The following PDE3A variants were observed in gnomAD, a reference collection of about 807,000 sequenced individuals.
PDE3A encodes phosphodiesterase 3A.
Under a neutral mutation model 98.3 loss-of-function variants are expected in PDE3A, and 43 were observed. The ratio of observed to expected loss-of-function variants is 0.44; its 90% CI spans 0.34 to 0.56. PDE3A has a LOEUF of 0.56. Among genes scored for constraint, PDE3A ranks in the 20% least tolerant of loss-of-function variants. The pLI is 0.01. For missense variants in PDE3A, 1,427 were observed against 1,440.7 expected (o/e 0.99, Z 0.15); for synonymous variants, 663 against 567.9 (o/e 1.17, Z -2.38).
chr12:20,440,925 A>AG (rs11404699), intron 1 of PDE3A, among the ~76,000 whole-genome samples: 152,244 of 152,246 alleles, frequency 1, 76,121 homozygotes, highest in Middle Eastern at 1. Context: ...GAGTAAAAGG[A>AG]GGAGAAAACT....
intron 1 of PDE3A, among the ~76,000 whole-genome samples, chr12:20,489,455 G>A (rs901798027): frequency 6.6e-6 from 1 of 152,058 alleles, no homozygotes; most frequent in African/African-American, 2.4e-5. Flanking sequence ...CATTGTTTTG[G>A]GTCTCAGTAA....
intron 14 of PDE3A, among the ~76,000 whole-genome samples, chr12:20,651,227 G>A (rs1258894283): frequency 1.3e-5 from 2 of 152,064 alleles, no homozygotes; most frequent in Non-Finnish European, 2.9e-5. Context: ...TACATAAGCT[G>A]GGGGTGATCC....
intron 4 of PDE3A, among the ~76,000 whole-genome samples, 192 bp from the exon 5 acceptor site, chr12:20,621,104 G>T (rs1004166670): frequency 6.6e-6 from 1 of 152,008 alleles, no homozygotes; most frequent in African/African-American, 2.4e-5. Context: ...CTATATCCCT[G>T]CAACAGAGAT....
At chr12:20,384,223 C>A (rs1173931688) in intron 1 of PDE3A, among the ~76,000 whole-genome samples, 1 of 148,874 alleles carries the variant, frequency 6.7e-6, no homozygotes, top group Non-Finnish European at 1.5e-5. Flanking sequence ...CTTCTGCCTA[C>A]ACCTTCCGGA....
At chr12:20,491,909 C>G (rs975433216) in intron 1 of PDE3A, among the ~76,000 whole-genome samples, 2 of 152,114 alleles carry the variant, frequency 1.3e-5, no homozygotes, top group Non-Finnish European at 2.9e-5. Flanking sequence ...TGTTGTAGAA[C>G]TATAAAATAT....
At chr12:20,471,167 A>G (rs1591965958) in intron 1 of PDE3A, among the ~76,000 whole-genome samples, 1 of 152,160 alleles carries the variant, frequency 6.6e-6, no homozygotes, top group Admixed American at 6.5e-5. Context: ...GATTGATTCA[A>G]CAGTTCTGGA....
In PDE3A at chr12:20,683,717, C is replaced by T. The variant is rs1464323552; in HGVS notation, c.*3446C>T. The T allele has an allele frequency of 6.6e-6, 1 of 152,074 alleles. No homozygotes were observed. Among genetic ancestry groups the T allele is most frequent in the African/African-American group, 2.4e-5 (1 of 41,412 alleles). 9.4% of individuals were successfully genotyped at this position (152,074 alleles called of 1,614,324 possible). On this transcript the variant is annotated 3_prime_UTR_variant, in exon 16 of 16. Coordinates refer to ENST00000359062, the MANE Select transcript of PDE3A (RefSeq NM_000921.5). ...ACAGTAGCTCTGTACAGGGATATAT[C>T]TATATTAGTCTTCATCTGATGAATG...
At chr12:20,587,975 T>G (rs556094589) in intron 2 of PDE3A, among the ~76,000 whole-genome samples, 6 of 152,352 alleles carry the variant, frequency 3.9e-5, no homozygotes, top group Admixed American at 2.6e-4. Flanking sequence ...GCAGCTCAGA[T>G]GCTAAAGCTG....
At chr12:20,420,150 C>T (rs1944487778) in intron 1 of PDE3A, among the ~76,000 whole-genome samples, 1 of 151,980 alleles carries the variant, frequency 6.6e-6, no homozygotes, top group Non-Finnish European at 1.5e-5. Flanking sequence ...GATCTTGGTG[C>T]AAGTATAGAA....
intron 2 of PDE3A, among the ~76,000 whole-genome samples, chr12:20,585,498 TAG>T (rs1943170838): frequency 6.6e-6 from 1 of 152,230 alleles, no homozygotes; most frequent in South Asian, 2.1e-4. Flanking sequence ...CATGTAATGC[TAG>T]AGTGTCAACA....
chr12:20,495,777 T>C (rs1392102409), intron 1 of PDE3A, among the ~76,000 whole-genome samples: 6 of 152,234 alleles, frequency 3.9e-5, no homozygotes, highest in Non-Finnish European at 8.8e-5. Flanking sequence ...TTTCTGTATA[T>C]GTTGCCAGAT....
chr12:20,420,420 G>A (rs909754638), intron 1 of PDE3A, among the ~76,000 whole-genome samples: 2 of 152,126 alleles, frequency 1.3e-5, no homozygotes, highest in African/African-American at 2.4e-5. Flanking sequence ...GAGTTCATGC[G>A]GAGGTTGACT....
At chr12:20,668,820 T>C (rs1367755080) in intron 15 of PDE3A, among the ~76,000 whole-genome samples, 2 of 151,630 alleles carry the variant, frequency 1.3e-5, no homozygotes, top group Non-Finnish European at 2.9e-5. Flanking sequence ...ACGCAGTTCC[T>C]CACCAGCAAC....
intron 1 of PDE3A, among the ~76,000 whole-genome samples, chr12:20,525,024 T>C (rs7955819): frequency 0.29 from 44,173 of 151,966 alleles, 6,946 homozygotes; most frequent in East Asian, 0.58. Context: ...CTCAGCTACT[T>C]GGGAGGCTGA....
intron 2 of PDE3A, among the ~76,000 whole-genome samples, chr12:20,559,765 G>T (rs1208419174): frequency 6.6e-6 from 1 of 152,142 alleles, no homozygotes; most frequent in African/African-American, 2.4e-5. Flanking sequence ...CCTCTGAGAA[G>T]TGATGATGTC....
rs201249804 is a variant in PDE3A, at chr12:20,654,098, G to A, written c.3077G>A (p.Trp1026Ter). 1 of 1,614,128 alleles carries A rather than the reference G, an allele frequency of 6.2e-7. No homozygotes were observed. Among genetic ancestry groups the A allele is most frequent in the Non-Finnish European group, 8.5e-7 (1 of 1,180,010 alleles). The change falls in exon 15 of 16, where the codon TGG becomes TAG. Residue 1026 changes from tryptophan (W) to a stop codon, truncating the protein, a stop_gained. Coordinates refer to ENST00000359062, the MANE Select transcript of PDE3A (RefSeq NM_000921.5). LOFTEE classifies it high-confidence loss of function. ...YDSAGLMPGK[W>*]VEDSDESGDT... ...TCAGCAGGACTAATGCCTGGAAAAT[G>A]GGTGGAAGACAGCGATGAGTCAGGA...
At chr12:20,622,341 G>T (rs1944158401) in intron 5 of PDE3A, among the ~76,000 whole-genome samples, 1 of 152,116 alleles carries the variant, frequency 6.6e-6, no homozygotes, top group South Asian at 2.1e-4. Context: ...ATCATGCTAT[G>T]AAGGCAAGAA....
intron 1 of PDE3A, among the ~76,000 whole-genome samples, chr12:20,544,556 C>T (rs4353322): frequency 0.51 from 77,890 of 151,546 alleles, 21,206 homozygotes; most frequent in African/African-American, 0.69. Context: ...TCTTTTCTTT[C>T]TCCTTATGAA....
At chr12:20,635,740 G>A (rs1332146929) in intron 8 of PDE3A, among the ~76,000 whole-genome samples, 10 of 133,602 alleles carry the variant, frequency 7.5e-5, no homozygotes, top group Admixed American at 5.8e-4. Flanking sequence ...GCAACAGAGT[G>A]CCACTCTATC....
Sources: gnomAD v4.1 joint callset for allele counts (sites outside exome capture counted in the v4.1 genomes callset) on GRCh38, gnomAD v4.1.1 for gene constraint, MANE v1.5 for transcripts, NCBI Gene and HGNC (gene_info 2026-07-23, HGNC 2026-07-21) for gene names.